PLCB1: variants seen among roughly 807,000 people sequenced by gnomAD.
PLCB1 encodes the protein phospholipase C beta 1.
PLCB1 carries 46 observed loss-of-function variants against 161.8 expected under a neutral mutation model. The ratio of observed to expected loss-of-function variants is 0.28; its 90% confidence interval spans 0.22 to 0.36. The LOEUF is 0.36. Among genes scored for constraint, PLCB1 ranks in the 10% least tolerant of loss-of-function variants. The probability of loss-of-function intolerance (pLI) is 1.00; values close to 1 mark genes in which losing one functional copy is unlikely to be tolerated. For synonymous variants in PLCB1, 517 were observed against 503.7 expected, an observed-to-expected ratio of 1.03 and a Z score of -0.35; for missense variants, 1,016 against 1,472.5, an observed-to-expected ratio of 0.69 and a Z score of 5.07.
chr20:8,287,369 G>A (rs919365460), intron 2 of PLCB1, among the ~76,000 whole-genome samples: 2 of 152,082 alleles, frequency 1.3e-5, no homozygotes, highest in Non-Finnish European at 1.5e-5. Context: ...TATAAAATTT[G>A]TGATTAGAAT....
At position 8,788,694 on chromosome 20, in the gene PLCB1, A is replaced by T. The variant is rs1983607068; in HGVS notation, c.3250A>T (p.Lys1084Ter). 6.2e-7 allele frequency: 1 copy of T among 1,610,536 alleles called. No individual in the cohort carries two copies. The highest frequency in any genetic ancestry group is 1.3e-5 in the African/African-American group (1 of 74,802). ...GAGGCAGGAGAAGATAACAGAAGCT[A>T]AATCCAAAGACAAAAGTCAGATGGA... ...KKRQEKITEA[K>*]SKDKSQMEEE... Residue 1084 changes from lysine to a stop codon, truncating the protein, a stop_gained, in exon 29 of 32, where the codon AAA becomes TAA. Coordinates refer to ENST00000338037, the MANE Select transcript of PLCB1 (RefSeq NM_015192.4). LOFTEE classifies it high-confidence loss of function.
chr20:8,435,791 TCCGTTACCAGATATA>T (rs766285810), intron 3 of PLCB1, among the ~76,000 whole-genome samples: 1 of 152,192 alleles, frequency 6.6e-6, no homozygotes, highest in Non-Finnish European at 1.5e-5. Flanking sequence ...ATATCCCATT[TCCGTTACCAGATATA>T]CTGCAAAGAC....
rs189236164 is a variant in PLCB1 at position 8,469,412 on chromosome 20, G to A, written c.246+97962G>A. ...ATATCCTAATTCAAGTATCCTAGTC[G>A]TGTTATTCTCACAAATTGTCATTTC... On this transcript the variant is annotated intron_variant, in intron 3 of 31. Transcript: ENST00000338037. 4.0e-3 allele frequency among the ~76,000 whole-genome samples: 605 copies of A among 152,136 alleles called. 5 individuals carry two copies. The highest frequency in any genetic ancestry group is 8.1e-3 in the African/African-American group (335 of 41,498).
chr20:8,375,203 T>C (rs1987032188), intron 3 of PLCB1, among the ~76,000 whole-genome samples: 1 of 152,212 alleles, frequency 6.6e-6, no homozygotes, highest in Non-Finnish European at 1.5e-5. Flanking sequence ...AGGTGCTTAC[T>C]TTTTTTCTTG....
chr20:8,589,236 T>A (rs916622952), intron 3 of PLCB1, among the ~76,000 whole-genome samples: 2 of 152,126 alleles, frequency 1.3e-5, no homozygotes, highest in African/African-American at 4.8e-5. Flanking sequence ...AATTGAACAC[T>A]GGGCACAGTT....
intron 3 of PLCB1, among the ~76,000 whole-genome samples, chr20:8,511,549 G>A (rs1355136702): frequency 6.6e-6 from 1 of 152,094 alleles, no homozygotes; most frequent in East Asian, 1.9e-4. Context: ...AAATGAGATT[G>A]GTGAATTCTA....
chr20:8,842,529 C>T (rs193073592), intron 31 of PLCB1, among the ~76,000 whole-genome samples: 3 of 152,244 alleles, frequency 2.0e-5, no homozygotes, highest in East Asian at 1.9e-4. Flanking sequence ...TGTAGCAGGA[C>T]GAGCCGCAGA....
At chr20:8,424,606 C>T (rs1223712430) in intron 3 of PLCB1, among the ~76,000 whole-genome samples, 1 of 152,062 alleles carries the variant, frequency 6.6e-6, no homozygotes, top group East Asian at 1.9e-4. Context: ...GTGCTGCATT[C>T]TGTCATCCCC....
intron 31 of PLCB1, among the ~76,000 whole-genome samples, chr20:8,805,207 AAT>A (rs1984477845): frequency 6.6e-6 from 1 of 152,192 alleles, no homozygotes; most frequent in African/African-American, 2.4e-5. Flanking sequence ...GCTAGACCTT[AAT>A]AGGTGAAGCT....
At chr20:8,142,345 A>T (rs2051413109) in intron 1 of PLCB1, among the ~76,000 whole-genome samples, 1 of 152,168 alleles carries the variant, frequency 6.6e-6, no homozygotes, top group Non-Finnish European at 1.5e-5. Flanking sequence ...ATTCCATCTG[A>T]AATCTCCTAG....
At chr20:8,532,840 T>A (rs1044718842) in intron 3 of PLCB1, among the ~76,000 whole-genome samples, 2 of 151,974 alleles carry the variant, frequency 1.3e-5, no homozygotes, top group African/African-American at 4.8e-5. Flanking sequence ...AATGCAATTT[T>A]TTTTCTTCCT....
intron 9 of PLCB1, among the ~76,000 whole-genome samples, chr20:8,675,094 T>C (rs753528896): frequency 1.3e-5 from 2 of 152,116 alleles, no homozygotes; most frequent in Non-Finnish European, 2.9e-5. Context: ...TTCCTGGCGA[T>C]TGAATCAAGT....
intron 31 of PLCB1, among the ~76,000 whole-genome samples, chr20:8,881,420 A>T (rs765829119): frequency 4.0e-5 from 6 of 151,528 alleles, no homozygotes; most frequent in Admixed American, 6.6e-5. Flanking sequence ...GCCACACATA[A>T]CTTGAAGTTG....
chr20:8,702,283 T>C (rs1380412437), intron 11 of PLCB1, among the ~76,000 whole-genome samples: 2 of 152,140 alleles, frequency 1.3e-5, no homozygotes, highest in East Asian at 3.9e-4. Context: ...CACCACTTAG[T>C]TTTTTCATTC....
intron 31 of PLCB1, chr20:8,792,464 G>A (rs1600331537): frequency 2.2e-6 from 1 of 455,898 alleles, no homozygotes; most frequent in South Asian, 1.6e-5. Flanking sequence ...TACATACAGT[G>A]TACGTTACAG....
chr20:8,359,391 G>A (rs980891082), intron 2 of PLCB1, among the ~76,000 whole-genome samples: 1 of 151,922 alleles, frequency 6.6e-6, no homozygotes, highest in Non-Finnish European at 1.5e-5. Flanking sequence ...GTCAGAGTAG[G>A]GGGTAGAAAA....
intron 3 of PLCB1, among the ~76,000 whole-genome samples, chr20:8,566,812 T>C (rs1367134037): frequency 1.3e-5 from 2 of 151,762 alleles, no homozygotes; most frequent in Admixed American, 1.3e-4. Flanking sequence ...TCACTTCTTT[T>C]TTTTTTTTTT....
intron 2 of PLCB1, among the ~76,000 whole-genome samples, chr20:8,229,012 G>A (rs1662201081): frequency 1.3e-5 from 2 of 151,864 alleles, no homozygotes; most frequent in Non-Finnish European, 2.9e-5. Flanking sequence ...GTAATTTTGT[G>A]TCCTTTAACA....
At chr20:8,620,104 C>T (rs1361195067) in intron 3 of PLCB1, among the ~76,000 whole-genome samples, 1 of 152,146 alleles carries the variant, frequency 6.6e-6, no homozygotes, top group Non-Finnish European at 1.5e-5. Flanking sequence ...GCCTGGTCAC[C>T]TTACAGCATT....
Sources: allele counts gnomAD v4.1 joint callset (sites outside exome capture counted in the v4.1 genomes callset), GRCh38; gene constraint gnomAD v4.1.1; transcripts MANE v1.5; gene names NCBI Gene and HGNC (gene_info 2026-07-23, HGNC 2026-07-21).